WNT7A: variants seen among roughly 807,000 people sequenced by gnomAD.
WNT7A encodes the protein Wnt family member 7A.
Under a neutral mutation model 28.2 loss-of-function variants are expected in WNT7A, and 16 were observed. That is an observed-to-expected ratio of 0.57 (90% CI 0.38 to 0.86). The LOEUF (loss-of-function observed/expected upper bound fraction) is 0.86, where lower values mean the gene tolerates loss of function less well. Among genes scored for constraint, WNT7A ranks in the 40% least tolerant of loss-of-function variants. The pLI is 0.00. For missense variants in WNT7A, 411 were observed against 489.7 expected (o/e 0.84, Z 1.52); for synonymous variants, 190 against 195.9 (o/e 0.97, Z 0.25).
chr3:13,851,335 G>A (rs1402433196), intron 3 of WNT7A, among the ~76,000 whole-genome samples: 1 of 152,154 alleles, frequency 6.6e-6, no homozygotes, highest in Non-Finnish European at 1.5e-5. Context: ...CTCGTCACTC[G>A]TCCTCCCCAC....
chr3:13,834,971 G>A (rs913594532), intron 3 of WNT7A, among the ~76,000 whole-genome samples: 1 of 152,250 alleles, frequency 6.6e-6, no homozygotes, highest in Non-Finnish European at 1.5e-5. Context: ...GAATGACTGA[G>A]AGCAGTAAGA....
Position 13,842,851 on chromosome 3 carries a change from G to C in WNT7A, c.570+11681C>G, listed in dbSNP as rs1694484193. Among the ~76,000 whole-genome samples, 4 of 152,292 alleles carry C rather than the reference G, an allele frequency of 2.6e-5. No homozygotes were observed. In the South Asian group the frequency reaches 8.3e-4, roughly 32 times the overall value. ...GATGCACAGGACTTGTGTTCGGGAG[G>C]CAGGTCTGGGCTGGAGACTGGACTT... On this transcript the variant is annotated intron_variant, in intron 3 of 3. Coordinates refer to ENST00000285018, the MANE Select transcript of WNT7A (RefSeq NM_004625.4).
At chr3:13,859,373 A>G (rs1267087171) in intron 2 of WNT7A, among the ~76,000 whole-genome samples, 1 of 152,152 alleles carries the variant, frequency 6.6e-6, no homozygotes, top group Non-Finnish European at 1.5e-5. Context: ...CTGAGCCTCC[A>G]TTTCCTCATC....
intron 2 of WNT7A, among the ~76,000 whole-genome samples, chr3:13,871,956 C>G (rs76960233): frequency 0.13 from 20,270 of 152,084 alleles, 2,190 homozygotes; most frequent in African/African-American, 0.29. Context: ...TCACTCTACT[C>G]CAGCCACCCC....
At chr3:13,833,719 G>C (rs1694319500) in intron 3 of WNT7A, among the ~76,000 whole-genome samples, 2 of 152,222 alleles carry the variant, frequency 1.3e-5, no homozygotes, top group Non-Finnish European at 2.9e-5. Context: ...GAGGCAATTG[G>C]GTAACCCCAA....
At chr3:13,842,307 G>A (rs948086300) in intron 3 of WNT7A, among the ~76,000 whole-genome samples, 1 of 152,172 alleles carries the variant, frequency 6.6e-6, no homozygotes, top group Non-Finnish European at 1.5e-5. Context: ...AGATGCTGGT[G>A]GATAGGACTC....
intron 3 of WNT7A, among the ~76,000 whole-genome samples, chr3:13,827,832 G>A (rs1053169070): frequency 6.6e-6 from 1 of 152,132 alleles, no homozygotes; most frequent in Non-Finnish European, 1.5e-5. Context: ...CAGCACCCAT[G>A]GCAGGCACTC....
chr3:13,827,510 TG>T (rs1305020764), intron 3 of WNT7A, among the ~76,000 whole-genome samples: 1 of 152,150 alleles, frequency 6.6e-6, no homozygotes, highest in Admixed American at 6.5e-5. Flanking sequence ...GGGAGGGGAC[TG>T]GGGAGAAACT....
At chr3:13,866,364 T>G (rs958625776) in intron 2 of WNT7A, among the ~76,000 whole-genome samples, 10 of 152,376 alleles carry the variant, frequency 6.6e-5, no homozygotes, top group African/African-American at 2.4e-4. Flanking sequence ...TCTCGCCACC[T>G]GTGGGAATGG....
intron 3 of WNT7A, among the ~76,000 whole-genome samples, chr3:13,826,935 G>A (rs80021098): frequency 0.032 from 4,800 of 152,288 alleles, 120 homozygotes; most frequent in Middle Eastern, 0.082. Flanking sequence ...TTCAGAACTG[G>A]ACTATGCCTC....
At chr3:13,857,264 G>A (rs1038654084) in intron 2 of WNT7A, among the ~76,000 whole-genome samples, 2 of 152,242 alleles carry the variant, frequency 1.3e-5, no homozygotes, top group Non-Finnish European at 2.9e-5. Context: ...ATAGACGCAT[G>A]TTGCTGAGCT....
At position 13,880,015 on chromosome 3, in the gene WNT7A, G is replaced by A; in HGVS notation, c.-199C>T. The A allele has an allele frequency of 2.6e-6, 1 of 380,896 alleles. No individual in the cohort carries two copies. The highest frequency in any genetic ancestry group is 4.6e-6 in the Non-Finnish European group (1 of 217,720). 23.6% of individuals were successfully genotyped at this position (380,896 alleles called of 1,614,324 possible). ...GCCACGGAGCGGGAGGAGGGAGGGA[G>A]GAGCGAGCGCGGCGTGGGGCGACGC... On this transcript the variant is annotated 5_prime_UTR_variant, in exon 1 of 4. Coordinates refer to ENST00000285018, the MANE Select transcript of WNT7A (RefSeq NM_004625.4).
At position 13,871,085 on chromosome 3, in the gene WNT7A, C is replaced by T. The variant is rs1009371177; in HGVS notation, c.298+3862G>A. ...TGTCCACTCTGAATACAAGATTACG[C>T]TTCCCAGCTTCCCTTGCAGCTAGAT... On this transcript the variant is annotated intron_variant, in intron 2 of 3. Transcript: ENST00000285018. 3.3e-5 allele frequency among the ~76,000 whole-genome samples: 5 copies of T among 152,362 alleles called. No homozygotes were observed. In the South Asian group the frequency reaches 6.2e-4, roughly 19 times the overall value.
In WNT7A at chr3:13,856,805, G is replaced by A. The variant is rs375347434; in HGVS notation, c.299-2002C>T. ...TGCACTCCATCCTGGGTGACAGAGC[G>A]AAACTCCATGAAGAAGAAGAAGATG... is the stretch of plus-strand genomic sequence containing the variant. On this transcript the variant is annotated intron_variant, in intron 2 of 3. Transcript: ENST00000285018. Among the ~76,000 whole-genome samples, 161 of 151,148 alleles carry A rather than the reference G, an allele frequency of 1.1e-3. 1 individual carries two copies. The highest frequency in any genetic ancestry group is 8.4e-3 in the East Asian group (43 of 5,118).
intron 3 of WNT7A, among the ~76,000 whole-genome samples, chr3:13,854,198 A>C (rs1408297340): frequency 1.3e-5 from 2 of 151,834 alleles, no homozygotes; most frequent in Non-Finnish European, 2.9e-5. Flanking sequence ...GGGAGAGAAA[A>C]AAGGAGGGAG....
chr3:13,855,557 G>T (rs1694716139), intron 2 of WNT7A, among the ~76,000 whole-genome samples: 1 of 152,188 alleles, frequency 6.6e-6, no homozygotes, highest in African/African-American at 2.4e-5. Context: ...GGTAGGGCAG[G>T]GTCCTGAGCA....
chr3:13,820,405 GAAA>G (rs36001991), intron 3 of WNT7A, among the ~76,000 whole-genome samples: 3 of 143,402 alleles, frequency 2.1e-5, no homozygotes, highest in African/African-American at 5.1e-5. Flanking sequence ...CCTTTTTACA[GAAA>G]AAAAAAAAAA....
intron 2 of WNT7A, among the ~76,000 whole-genome samples, chr3:13,865,246 C>T (rs1371306858): frequency 6.6e-6 from 1 of 152,198 alleles, no homozygotes; most frequent in African/African-American, 2.4e-5. Flanking sequence ...GGCACCCTGA[C>T]TCTCCAGGAG....
At chr3:13,826,329 G>T (rs1694195774) in intron 3 of WNT7A, among the ~76,000 whole-genome samples, 1 of 152,194 alleles carries the variant, frequency 6.6e-6, no homozygotes, top group Non-Finnish European at 1.5e-5. Flanking sequence ...GAAAGCAACA[G>T]AGAAGGAAAC....
Sources: allele counts gnomAD v4.1 joint callset (sites outside exome capture counted in the v4.1 genomes callset), GRCh38; gene constraint gnomAD v4.1.1; transcripts MANE v1.5; gene names NCBI Gene and HGNC (gene_info 2026-07-23, HGNC 2026-07-21).